Variants in PTPRD observed in about 807,000 individuals in gnomAD.
PTPRD encodes protein tyrosine phosphatase receptor type D.
In PTPRD, 34 loss-of-function variants were observed where a neutral mutation model predicts 214.5. That is an observed-to-expected ratio of 0.16 (90% CI 0.12 to 0.21). The LOEUF is 0.21. Ranked by LOEUF, PTPRD falls within the 10% of genes least tolerant of loss-of-function variation. The pLI is 1.00. For missense variants in PTPRD, 2,545 were observed against 2,398.7 expected (o/e 1.06, Z -1.27); for synonymous variants, 1,128 against 845.7 (o/e 1.33, Z -5.79).
chr9:9,498,795 T>C (rs899298557), intron 8 of PTPRD, among the ~76,000 whole-genome samples: 2 of 152,108 alleles, frequency 1.3e-5, no homozygotes, highest in Non-Finnish European at 2.9e-5. Context: ...AGACAGGAAA[T>C]GATCTGTGAT....
chr9:8,940,277 C>T (rs78211946), intron 11 of PTPRD, among the ~76,000 whole-genome samples: 193 of 18,130 alleles, frequency 0.011, no homozygotes, highest in Middle Eastern at 0.036. Context: ...CTCTCTCTCT[C>T]TCCTTTTTTT....
chr9:9,779,477 A>C (rs1056635491), intron 5 of PTPRD, among the ~76,000 whole-genome samples: 1 of 152,214 alleles, frequency 6.6e-6, no homozygotes, highest in Non-Finnish European at 1.5e-5. Flanking sequence ...TAATATCCGG[A>C]ATGTATAAGA....
chr9:10,177,510 C>G (rs945462532), intron 3 of PTPRD, among the ~76,000 whole-genome samples: 7 of 149,764 alleles, frequency 4.7e-5, no homozygotes, highest in Non-Finnish European at 7.4e-5. Context: ...ACACTGGTGG[C>G]AGTATAGAAA....
chr9:8,715,461 C>T (rs756279034), intron 12 of PTPRD, among the ~76,000 whole-genome samples: 23 of 152,140 alleles, frequency 1.5e-4, no homozygotes, highest in Non-Finnish European at 2.9e-4. Context: ...TATATAGAAG[C>T]TGCATAAAAT....
At chr9:10,388,529 T>C (rs74937221) in intron 2 of PTPRD, among the ~76,000 whole-genome samples, 9,804 of 150,546 alleles carry the variant, frequency 0.065, 529 homozygotes, top group South Asian at 0.15. Context: ...TACTAATCAG[T>C]ACAACTAATA....
At chr9:10,399,811 G>C (rs753112784) in intron 2 of PTPRD, among the ~76,000 whole-genome samples, 12 of 151,832 alleles carry the variant, frequency 7.9e-5, no homozygotes, top group Non-Finnish European at 1.8e-4. Context: ...ATAGTTCAGT[G>C]CTTCTAGAGT....
At chr9:10,307,609 ATTGT>A (rs1313818428) in intron 3 of PTPRD, among the ~76,000 whole-genome samples, 4 of 151,976 alleles carry the variant, frequency 2.6e-5, no homozygotes, top group African/African-American at 9.7e-5. Context: ...ATTTTTAGTT[ATTGT>A]TTGAGAAATA....
chr9:10,319,281 G>A (rs571182974), intron 3 of PTPRD, among the ~76,000 whole-genome samples: 1 of 152,164 alleles, frequency 6.6e-6, no homozygotes, highest in East Asian at 1.9e-4. Context: ...GCACTTAACA[G>A]TCTTCTCCTC....
At chr9:9,932,073 C>CTG (rs2086876939) in intron 5 of PTPRD, among the ~76,000 whole-genome samples, 4 of 149,688 alleles carry the variant, frequency 2.7e-5, no homozygotes, top group Admixed American at 2.0e-4. Flanking sequence ...AAAAACCCAT[C>CTG]TGTACATCAC....
chr9:8,472,108 G>C (rs1446842059), intron 30 of PTPRD, among the ~76,000 whole-genome samples: 1 of 152,130 alleles, frequency 6.6e-6, no homozygotes, highest in African/African-American at 2.4e-5. Flanking sequence ...GATCTGTAGA[G>C]ATTAAATAAT....
intron 10 of PTPRD, among the ~76,000 whole-genome samples, chr9:9,158,625 A>T (rs1424547339): frequency 6.6e-6 from 1 of 152,008 alleles, no homozygotes; most frequent in African/African-American, 2.4e-5. Context: ...AATAAATAAA[A>T]ATAATAAAGA....
At chr9:9,508,891 A>G (rs2096632771) in intron 8 of PTPRD, among the ~76,000 whole-genome samples, 1 of 151,600 alleles carries the variant, frequency 6.6e-6, no homozygotes. Context: ...CCTCTTATGT[A>G]TGCTCAAAGA....
intron 9 of PTPRD, among the ~76,000 whole-genome samples, chr9:9,301,273 A>G (rs1955185760): frequency 6.6e-6 from 1 of 151,890 alleles, no homozygotes; most frequent in Admixed American, 6.6e-5. Context: ...AAGAGCTGTC[A>G]AAACAGATTT....
chr9:10,565,166 G>A (rs188051181), intron 2 of PTPRD, among the ~76,000 whole-genome samples: 97 of 152,100 alleles, frequency 6.4e-4, no homozygotes, highest in African/African-American at 2.3e-3. Context: ...ATATATAAAT[G>A]TAGGCACGTA....
intron 5 of PTPRD, among the ~76,000 whole-genome samples, chr9:9,847,021 G>T (rs2059667441): frequency 6.6e-6 from 1 of 152,098 alleles, no homozygotes; most frequent in South Asian, 2.1e-4. Flanking sequence ...AAAGCATCCA[G>T]ACATTCAAGT....
chr9:10,374,736 G>GA (rs917747452), intron 2 of PTPRD, among the ~76,000 whole-genome samples: 5 of 151,888 alleles, frequency 3.3e-5, no homozygotes, highest in African/African-American at 7.2e-5. Flanking sequence ...CACTTGATTA[G>GA]AAAAAAATGA....
At chr9:10,114,597 T>C (rs571306222) in intron 3 of PTPRD, among the ~76,000 whole-genome samples, 1 of 152,190 alleles carries the variant, frequency 6.6e-6, no homozygotes, top group Admixed American at 6.5e-5. Context: ...TATATATGCA[T>C]GCATACATAT....
At chr9:9,650,483 G>T (rs993237026) in intron 7 of PTPRD, among the ~76,000 whole-genome samples, 7 of 152,080 alleles carry the variant, frequency 4.6e-5, no homozygotes, top group South Asian at 2.1e-4. Context: ...GAGGATTTTT[G>T]CATCAATGTT....
chr9:9,449,915 C>T lies in PTPRD; in HGVS notation c.-236-52433G>A, dbSNP rs573844775. ...CCCTTCCTCCCAAGTCCCCAAAGTC[C>T]GTCATATCATTCTTATGCCTTTGTG... On this transcript the variant is annotated intron_variant, in intron 8 of 45. Transcript: ENST00000381196. Among the ~76,000 whole-genome samples the T allele has an allele frequency of 1.8e-4, 27 of 151,898 alleles. No individual in the cohort carries two copies. The Middle Eastern group carries it at 0.01, about 57-fold the overall frequency.
Sources: allele counts gnomAD v4.1 joint callset (sites outside exome capture counted in the v4.1 genomes callset), GRCh38; gene constraint gnomAD v4.1.1; transcripts MANE v1.5; gene names NCBI Gene and HGNC (gene_info 2026-07-23, HGNC 2026-07-21).